Variants in ENOSF1 observed in about 807,000 individuals in gnomAD.
ENOSF1 encodes mitochondrial enolase superfamily member 1.
Under a neutral mutation model 68.2 loss-of-function variants are expected in ENOSF1, and 73 were observed. The observed-to-expected ratio is 1.07, with a 90% CI of 0.89 to 1.30. The LOEUF (loss-of-function observed/expected upper bound fraction) is 1.30, where lower values mean the gene tolerates loss of function less well. ENOSF1 is among the 50% of genes most tolerant of loss of function. ENOSF1 has a pLI of 0.00. For synonymous variants in ENOSF1, 223 were observed against 210.4 expected, an observed-to-expected ratio of 1.06 and a Z score of -0.52; for missense variants, 589 against 554.5, an observed-to-expected ratio of 1.06 and a Z score of -0.62.
intron 9 of ENOSF1, chr18:687,299 C>T (rs1248958257): frequency 6.6e-6 from 1 of 152,238 alleles, no homozygotes; most frequent in Non-Finnish European, 1.5e-5. Flanking sequence ...CAAGTTCTCA[C>T]TCCTCAAGCC....
rs547887352 is a variant in ENOSF1, at chr18:678,595, C to T, written c.918+101G>A. 5.0e-5 allele frequency: 58 copies of T among 1,151,390 alleles called. No individual in the cohort carries two copies. In the African/African-American group the frequency reaches 7.8e-4, roughly 15 times the overall value. The allele number at this position is 1,151,390 out of a possible 1,614,324, so 71.3% of individuals were successfully genotyped here. ...GATGAAAATTTCCCAACTCAAAGTA[C>T]AGCAGGTGATGGAGCCTAACACACA... On this transcript the variant is annotated intron_variant, in intron 12 of 15. Transcript: ENST00000647584.
In ENOSF1 at chr18:673,432, T is replaced by C. The variant is rs2075162331; in HGVS notation, c.*873A>G. On this transcript the variant is annotated 3_prime_UTR_variant, in exon 16 of 16. Transcript: ENST00000647584. ...ACACCATCGATCATGATGTAGAGTG[T>C]GGTTATGAACTTTAAAGTTATAGTT... is the stretch of plus-strand genomic sequence containing the variant. 9.9e-6 allele frequency: 2 copies of C among 202,074 alleles called. No individual in the cohort carries two copies. Among genetic ancestry groups the C allele is most frequent in the African/African-American group, 5.8e-5 (2 of 34,374 alleles). 12.5% of individuals were successfully genotyped at this position (202,074 alleles called of 1,614,324 possible).
intron 11 of ENOSF1, among the ~76,000 whole-genome samples, chr18:680,724 A>G (rs1052534112): frequency 9.5e-5 from 12 of 126,810 alleles, no homozygotes; most frequent in Non-Finnish European, 1.9e-4. Flanking sequence ...TCTGTCGCCC[A>G]GGCTGGAGTG....
At chr18:666,903 AGATGGTGATGGT>A (rs753248760), downstream of ENOSF1, among the ~76,000 whole-genome samples, 20,568 of 60,698 alleles carry the variant, frequency 0.34, 5,088 homozygotes, top group South Asian at 0.42. Flanking sequence ...ATGGTGATGG[AGATGGTGATGGT>A]GATGGAGATG....
chr18:677,230 A>C, intron 14 of ENOSF1, 115 bp downstream of exon 14: 3 of 825,360 alleles, frequency 3.6e-6, no homozygotes, highest in Non-Finnish European at 5.8e-6. Flanking sequence ...GAGTTATAGG[A>C]CATGCCAGCG....
At chr18:675,425 G>A (rs760547338) in intron 14 of ENOSF1, 23 bp from the exon 15 acceptor site, 3 of 1,592,832 alleles carry the variant, frequency 1.9e-6, no homozygotes, top group Non-Finnish European at 1.7e-6. Flanking sequence ...AATCAGATCG[G>A]GGCAATGATG....
chr18:673,168 C>G lies in ENOSF1; in HGVS notation c.*1137G>C, dbSNP rs1280565122. On this transcript the variant is annotated 3_prime_UTR_variant, in exon 16 of 16. Transcript: ENST00000647584. ...TTGCCACTGGCAAATGTAACTGTGC[C>G]AGTTCTTTCCATAATAAAAGGCTTT... 6 of 615,206 alleles carry G rather than the reference C, an allele frequency of 9.8e-6. No individual in the cohort carries two copies. Among genetic ancestry groups the G allele is most frequent in the Admixed American group, 3.2e-5 (1 of 31,462 alleles). 38.1% of individuals were successfully genotyped at this position (615,206 alleles called of 1,614,324 possible).
intron 2 of ENOSF1, among the ~76,000 whole-genome samples, chr18:703,940 A>G (rs1055479059): frequency 2.0e-5 from 3 of 151,996 alleles, no homozygotes; most frequent in Admixed American, 1.3e-4. Flanking sequence ...GCACCTCCCC[A>G]TTCCCTTTCT....
At chr18:685,811 T>A (rs955150195) in intron 10 of ENOSF1, 110 bp downstream of exon 10, 5 of 887,786 alleles carry the variant, frequency 5.6e-6, no homozygotes, top group Non-Finnish European at 9.3e-6. Context: ...GAAGTGTACT[T>A]CCTCTGACAA....
chr18:686,210 C>A (rs1049642150), intron 9 of ENOSF1: 9 of 539,994 alleles, frequency 1.7e-5, no homozygotes, highest in Non-Finnish European at 2.3e-5. Flanking sequence ...AGGGCAATGA[C>A]TCTCAATTAT....
At chr18:669,160 T>C, downstream of ENOSF1, 1 of 1,614,132 alleles carries the variant, frequency 6.2e-7, no homozygotes, top group South Asian at 1.1e-5. Flanking sequence ...TCATGTGCGC[T>C]TGGAATCCAA....
At chr18:689,449 T>G (rs1305385727) in intron 8 of ENOSF1, among the ~76,000 whole-genome samples, 2 of 151,946 alleles carry the variant, frequency 1.3e-5, no homozygotes, top group African/African-American at 4.8e-5. Context: ...CCCAGATAAT[T>G]TTTTGTATTT....
At chr18:690,459 G>A in intron 8 of ENOSF1, 90 bp downstream of exon 8, 1 of 1,392,516 alleles carries the variant, frequency 7.2e-7, no homozygotes, top group Non-Finnish European at 1.0e-6. Context: ...TCAGAAGTGA[G>A]GTACTGAGAG....
At chr18:663,035 A>C in the ENOSF1 span, among the ~76,000 whole-genome samples, 1 of 132,222 alleles carries the variant, frequency 7.6e-6, no homozygotes, top group Non-Finnish European at 1.6e-5. Context: ...ATACCCAGTA[A>C]TGGGAGGGCT....
chr18:685,589 T>C (rs1413942473), intron 10 of ENOSF1, among the ~76,000 whole-genome samples: 1 of 152,060 alleles, frequency 6.6e-6, no homozygotes, highest in African/African-American at 2.4e-5. Flanking sequence ...AATGGCCCCC[T>C]GACACCCTCC....
intron 1 of ENOSF1, among the ~76,000 whole-genome samples, chr18:711,077 G>T (rs1171406595): frequency 2.0e-5 from 3 of 152,038 alleles, no homozygotes; most frequent in African/African-American, 7.3e-5. Flanking sequence ...GGCTGAGGTG[G>T]GAGGATTGGT....
chr18:675,470 A>C (rs2075397101), intron 14 of ENOSF1, 68 bp from the exon 15 acceptor site: 1 of 1,349,630 alleles, frequency 7.4e-7, no homozygotes, highest in South Asian at 1.2e-5. Flanking sequence ...TGCTAACTTA[A>C]AGCAGAAGGA....
Position 673,215 on chromosome 18 carries a change from C to T in ENOSF1, c.*1090G>A, listed in dbSNP as rs1005606851. 2 of 408,998 alleles carry T rather than the reference C, an allele frequency of 4.9e-6. No individual in the cohort carries two copies. The highest frequency in any genetic ancestry group is 3.9e-5 in the African/African-American group (2 of 50,952). The allele number at this position is 408,998 out of a possible 1,614,324, so 25.3% of individuals were successfully genotyped here. A position where few individuals can be genotyped will look rare whatever the true frequency, so the allele number is the denominator to read the frequency against. On this transcript the variant is annotated 3_prime_UTR_variant, in exon 16 of 16. Coordinates refer to ENST00000647584, the MANE Select transcript of ENOSF1 (RefSeq NM_017512.7). Reference sequence around the variant, plus strand: ...CTTTGAGTTAACTCACTGAGGGTATCTGACAATGCTGAGGTTATGAACAAA... The same window carrying T: ...CTTTGAGTTAACTCACTGAGGGTATTTGACAATGCTGAGGTTATGAACAAA...
At chr18:670,064 G>A (rs1347137659), downstream of ENOSF1, among the ~76,000 whole-genome samples, 1 of 140,064 alleles carries the variant, frequency 7.1e-6, no homozygotes, top group African/African-American at 2.7e-5. Flanking sequence ...TTTTTTTTGA[G>A]ACACAGTCTC....
Sources: gnomAD v4.1 joint callset for allele counts (sites outside exome capture counted in the v4.1 genomes callset) on GRCh38, gnomAD v4.1.1 for gene constraint, MANE v1.5 for transcripts, NCBI Gene and HGNC (gene_info 2026-07-23, HGNC 2026-07-21) for gene names.